The following FRS2 variants were observed in gnomAD, a reference collection of about 807,000 sequenced individuals.
FRS2 encodes FGFR signalling adaptor.
In FRS2, 8 loss-of-function variants were observed where a neutral mutation model predicts 43.9. The observed-to-expected ratio is 0.18, with a 90% CI of 0.11 to 0.33. The LOEUF (loss-of-function observed/expected upper bound fraction) is 0.33, where lower values mean the gene tolerates loss of function less well. Ranked by LOEUF, FRS2 falls within the 10% of genes least tolerant of loss-of-function variation. FRS2 has a pLI of 1.00. For synonymous variants in FRS2, 219 were observed against 220.3 expected (o/e 0.99, Z 0.05); for missense variants, 534 against 627.6 (o/e 0.85, Z 1.59).
chr12:69,516,568 C>T (rs1452649761), intron 1 of FRS2, among the ~76,000 whole-genome samples: 1 of 152,136 alleles, frequency 6.6e-6, no homozygotes, highest in Non-Finnish European at 1.5e-5. Context: ...TGTAGACCGT[C>T]TGAATGTGGG....
chr12:69,572,017 A>G, intron 7 of FRS2, 101 bp from the exon 8 acceptor site: 1 of 774,916 alleles, frequency 1.3e-6, no homozygotes. Context: ...CTGTCTTGGC[A>G]GAAAGACCTC....
At chr12:69,481,042 A>G (rs1222499107) in intron 1 of FRS2, among the ~76,000 whole-genome samples, 2 of 152,242 alleles carry the variant, frequency 1.3e-5, no homozygotes, top group African/African-American at 4.8e-5. Context: ...TTATTTTGAA[A>G]TAATTTCAAA....
At chr12:69,501,447 A>G (rs1159379044) in intron 1 of FRS2, among the ~76,000 whole-genome samples, 2 of 152,226 alleles carry the variant, frequency 1.3e-5, no homozygotes, top group Non-Finnish European at 2.9e-5. Context: ...AATTGTTTCT[A>G]GCAGAAGAGA....
intron 4 of FRS2, among the ~76,000 whole-genome samples, chr12:69,563,254 T>C (rs117483361): frequency 0.011 from 1,624 of 152,272 alleles, 9 homozygotes; most frequent in Non-Finnish European, 0.015. Flanking sequence ...CCTCAGAGTT[T>C]GTGGTTTAGG....
chr12:69,496,393 C>T (rs565054545), intron 1 of FRS2, among the ~76,000 whole-genome samples: 38 of 151,930 alleles, frequency 2.5e-4, no homozygotes, highest in Admixed American at 2.0e-3. Flanking sequence ...GCCGAGATCG[C>T]GCCACTGCAC....
chr12:69,560,787 G>C (rs1227531378), intron 3 of FRS2, among the ~76,000 whole-genome samples: 1 of 152,092 alleles, frequency 6.6e-6, no homozygotes, highest in Non-Finnish European at 1.5e-5. Flanking sequence ...TTTTTACTAA[G>C]TATCATAGTC....
intron 1 of FRS2, among the ~76,000 whole-genome samples, chr12:69,506,671 T>C (rs1225845228): frequency 6.6e-6 from 1 of 152,186 alleles, no homozygotes; most frequent in African/African-American, 2.4e-5. Context: ...TCCCCTTCTC[T>C]AAATTTACAA....
rs1416421567 is a variant in FRS2 at position 69,572,172 on chromosome 12, T to G, written c.467T>G (p.Phe156Cys). The G allele has an allele frequency of 6.2e-7, 1 of 1,613,424 alleles. No individual in the cohort carries two copies. Among genetic ancestry groups the G allele is most frequent in the Non-Finnish European group, 8.5e-7 (1 of 1,179,326 alleles). ...AATGGATATCCCCGATATCCCTCAT[T>G]TGGAGATGCTTCATCCCATCCGTCA... ...LPNGYPRYPS[F>C]GDASSHPSSR... Residue 156 changes from phenylalanine (F) to cysteine (C), a missense_variant, in exon 8 of 9, where the codon TTT becomes TGT. This residue lies in a region of FRS2 where 446 missense variants were observed against 494.2 expected (regional missense o/e 0.90). Coordinates refer to ENST00000549921, the MANE Select transcript of FRS2 (RefSeq NM_001278356.2).
At chr12:69,499,552 G>A (rs980783143) in intron 1 of FRS2, among the ~76,000 whole-genome samples, 5 of 152,050 alleles carry the variant, frequency 3.3e-5, no homozygotes, top group Admixed American at 2.6e-4. Flanking sequence ...CAATTTTGGA[G>A]AAAGCATCCA....
Position 69,578,300 on chromosome 12 carries a change from G to A in FRS2, c.*3345G>A, listed in dbSNP as rs149040291. The A allele has an allele frequency of 1.4e-3, 221 of 152,668 alleles. No homozygotes were observed. The highest frequency in any genetic ancestry group is 4.9e-3 in the African/African-American group (203 of 41,554). 9.5% of individuals were successfully genotyped at this position (152,668 alleles called of 1,614,324 possible). A position where few individuals can be genotyped will look rare whatever the true frequency, so the allele number is the denominator to read the frequency against. On this transcript the variant is annotated 3_prime_UTR_variant, in exon 9 of 9. Transcript: ENST00000549921. ...TTGGCATCTCATTCATATTTCTGAT[G>A]TGTGAGGTATATGGTACTAATTACC...
chr12:69,536,922 T>G (rs1877375780), intron 3 of FRS2, among the ~76,000 whole-genome samples: 2 of 152,176 alleles, frequency 1.3e-5, no homozygotes, highest in Non-Finnish European at 2.9e-5. Context: ...TATCCAATTC[T>G]TCCTCTCATT....
chr12:69,519,190 T>G (rs1460253766), intron 1 of FRS2, among the ~76,000 whole-genome samples: 2 of 152,160 alleles, frequency 1.3e-5, no homozygotes, highest in Non-Finnish European at 2.9e-5. Context: ...GAAGAGGTTG[T>G]CAAATACTGA....
intron 3 of FRS2, among the ~76,000 whole-genome samples, chr12:69,537,061 A>G (rs1246728492): frequency 2.6e-5 from 4 of 152,056 alleles, no homozygotes; most frequent in Non-Finnish European, 5.9e-5. Context: ...TGCTCTGGCT[A>G]TTTTAACATG....
At chr12:69,558,578 ATC>A (rs752362111) in intron 3 of FRS2, among the ~76,000 whole-genome samples, 25 of 152,182 alleles carry the variant, frequency 1.6e-4, no homozygotes, top group Non-Finnish European at 3.7e-4. Flanking sequence ...TTTCTTCTTA[ATC>A]TGGATTGCCC....
In FRS2 at chr12:69,578,500, T is replaced by C; in HGVS notation, c.*3545T>C. ...TCTTTACATCCCTGTTCCCCATCCC[T>C]ACTTCCTCATTTTTGGTATAACACA... On this transcript the variant is annotated 3_prime_UTR_variant, in exon 9 of 9. Coordinates refer to ENST00000549921, the MANE Select transcript of FRS2 (RefSeq NM_001278356.2). 2 of 152,544 alleles carry C rather than the reference T, an allele frequency of 1.3e-5. No individual in the cohort carries two copies. 9.4% of individuals were successfully genotyped at this position (152,544 alleles called of 1,614,324 possible). A position where few individuals can be genotyped will look rare whatever the true frequency, so the allele number is the denominator to read the frequency against.
rs150471022 is a variant in FRS2, at chr12:69,550,107, G to A, written c.-121-12073G>A. 3.3e-5 allele frequency among the ~76,000 whole-genome samples: 5 copies of A among 152,260 alleles called. No homozygotes were observed. In the East Asian group the frequency reaches 7.7e-4, roughly 23 times the overall value. On this transcript the variant is annotated intron_variant, in intron 3 of 8. Transcript: ENST00000549921. ...ATTTGGATGTCTCACAGACATCAAA[G>A]TACATTCAAAACTGAGCTTATGTTT...
chr12:69,516,275 A>G (rs1565739704), intron 1 of FRS2, among the ~76,000 whole-genome samples: 1 of 151,166 alleles, frequency 6.6e-6, no homozygotes, highest in Admixed American at 6.6e-5. Flanking sequence ...CTGGCGTGCA[A>G]TGGCGCGATC....
At chr12:69,570,097 C>CAACA (rs1880620706) in intron 5 of FRS2, among the ~76,000 whole-genome samples, 1 of 152,196 alleles carries the variant, frequency 6.6e-6, no homozygotes, top group Non-Finnish European at 1.5e-5. Context: ...ATTCCTTTGT[C>CAACA]AATTAATCAT....
In FRS2 at chr12:69,574,992, G is replaced by A; in HGVS notation, c.*37G>A. 1 of 1,368,012 alleles carries A rather than the reference G, an allele frequency of 7.3e-7. No homozygotes were observed. Among genetic ancestry groups the A allele is most frequent in the Non-Finnish European group, 1.0e-6 (1 of 975,654 alleles). The allele number at this position is 1,368,012 out of a possible 1,614,324, so 84.7% of individuals were successfully genotyped here. ...ATTGTGTTGTTTGCACCTTTGTGAA[G>A]TTTTTAAAAATGAAGATGCAAGTGC... On this transcript the variant is annotated 3_prime_UTR_variant, in exon 9 of 9. Coordinates refer to ENST00000549921, the MANE Select transcript of FRS2 (RefSeq NM_001278356.2).
Sources: gnomAD v4.1 joint callset for allele counts (sites outside exome capture counted in the v4.1 genomes callset) on GRCh38, gnomAD v4.1.1 for gene constraint, gnomAD v4.1.1 regional missense constraint, MANE v1.5 for transcripts, NCBI Gene and HGNC (gene_info 2026-07-23, HGNC 2026-07-21) for gene names.